The following EXOC6B variants were observed in gnomAD, a reference collection of about 807,000 sequenced individuals.
EXOC6B encodes the protein exocyst complex component 6B, also known as SEC15 homolog B.
A neutral mutation model predicts 113.5 loss-of-function variants in EXOC6B; 54 were observed. The observed-to-expected ratio is 0.48, with a 90% CI of 0.38 to 0.60. EXOC6B has a LOEUF of 0.60. EXOC6B is among the 20% of genes least tolerant of loss of function. The probability of loss-of-function intolerance (pLI) is 0.00; values close to 1 mark genes in which losing one functional copy is unlikely to be tolerated. For synonymous variants in EXOC6B, 357 were observed against 339.0 expected (o/e 1.05, Z -0.58); for missense variants, 797 against 977.5 (o/e 0.82, Z 2.46).
At chr2:72,227,496 T>C (rs1016068793) in intron 20 of EXOC6B, among the ~76,000 whole-genome samples, 4 of 152,306 alleles carry the variant, frequency 2.6e-5, no homozygotes, top group East Asian at 1.9e-4. Flanking sequence ...TAAACTGATA[T>C]ACCATAATCA....
At chr2:72,204,498 T>C (rs1218615151) in intron 20 of EXOC6B, among the ~76,000 whole-genome samples, 1 of 151,788 alleles carries the variant, frequency 6.6e-6, no homozygotes, top group African/African-American at 2.4e-5. Context: ...GCCAAGTTCA[T>C]TGGAAGTTAC....
chr2:72,650,848 A>C (rs1051105960), intron 6 of EXOC6B, among the ~76,000 whole-genome samples: 1 of 151,756 alleles, frequency 6.6e-6, no homozygotes, highest in Non-Finnish European at 1.5e-5. Flanking sequence ...GTAAAACAGT[A>C]CATCCACTCT....
chr2:72,692,080 T>C (rs957895671), intron 6 of EXOC6B, among the ~76,000 whole-genome samples: 4 of 152,118 alleles, frequency 2.6e-5, no homozygotes, highest in African/African-American at 7.2e-5. Flanking sequence ...TATGTGTTGA[T>C]TGAAAGAATA....
intron 17 of EXOC6B, among the ~76,000 whole-genome samples, chr2:72,471,567 G>A (rs1698413861): frequency 6.6e-6 from 1 of 152,094 alleles, no homozygotes. Context: ...GTATTGCCTA[G>A]GTTTTCTTCT....
In EXOC6B at chr2:72,575,543, A is replaced by G. The variant is rs562606334; in HGVS notation, c.795T>C (p.Ser265=). ...DTEIESTSPK[S]EQDSGILDVE... Reference sequence around the variant, plus strand: ...CATCCAGAATTCCTGAATCCTGTTCAGACTTCGGACTAGTACTTTCTATCT... The same window carrying G: ...CATCCAGAATTCCTGAATCCTGTTCGGACTTCGGACTAGTACTTTCTATCT... Residue 265 remains serine, a synonymous_variant, in exon 7 of 22, where the codon TCT becomes TCC. Transcript: ENST00000272427. 1 of 1,610,496 alleles carries G rather than the reference A, an allele frequency of 6.2e-7. No individual in the cohort carries two copies. Among genetic ancestry groups the G allele is most frequent in the African/African-American group, 1.3e-5 (1 of 74,814 alleles).
At chr2:72,643,833 A>T (rs1341103187) in intron 6 of EXOC6B, among the ~76,000 whole-genome samples, 1 of 150,686 alleles carries the variant, frequency 6.6e-6, no homozygotes, top group Non-Finnish European at 1.5e-5. Flanking sequence ...AAATAAATAA[A>T]TAAAAAAGAA....
At chr2:72,199,675 C>T (rs1168483825) in intron 20 of EXOC6B, among the ~76,000 whole-genome samples, 2 of 152,156 alleles carry the variant, frequency 1.3e-5, no homozygotes, top group African/African-American at 4.8e-5. Flanking sequence ...ATGCCAGAAA[C>T]TGTCACAATA....
intron 20 of EXOC6B, among the ~76,000 whole-genome samples, chr2:72,208,768 T>C (rs1477643675): frequency 1.3e-5 from 2 of 152,172 alleles, no homozygotes; most frequent in Admixed American, 6.5e-5. Flanking sequence ...TGTATTCTCT[T>C]ACTAGAAATC....
At chr2:72,679,520 G>A (rs2104536620) in intron 6 of EXOC6B, among the ~76,000 whole-genome samples, 1 of 152,230 alleles carries the variant, frequency 6.6e-6, no homozygotes, top group Non-Finnish European at 1.5e-5. Context: ...TATGTTTTTT[G>A]GAAGTGTATT....
At chr2:72,563,526 A>C (rs1704002427) in intron 7 of EXOC6B, among the ~76,000 whole-genome samples, 2 of 152,148 alleles carry the variant, frequency 1.3e-5, no homozygotes, top group African/African-American at 4.8e-5. Context: ...GACAAAAAAG[A>C]GTCTGAAAAT....
chr2:72,476,244 G>A lies in EXOC6B; in HGVS notation c.1800+4372C>T, dbSNP rs113454616. On this transcript the variant is annotated intron_variant, in intron 17 of 21. Transcript: ENST00000272427. The stretch of plus-strand genomic sequence containing the variant: ...GAAAGTTTCTACTAACCCTTTCCTC[G>A]TATTAAGGAGTCTCCCTCAGCTCCC... 2.6e-3 allele frequency among the ~76,000 whole-genome samples: 401 copies of A among 152,256 alleles called. 1 individual carries two copies. Among genetic ancestry groups the A allele is most frequent in the African/African-American group, 9.0e-3 (374 of 41,542 alleles).
intron 20 of EXOC6B, among the ~76,000 whole-genome samples, chr2:72,201,436 A>AT (rs1256228822): frequency 6.6e-6 from 1 of 151,872 alleles, no homozygotes; most frequent in Non-Finnish European, 1.5e-5. Flanking sequence ...AATGATGTAA[A>AT]AAAAAATAGC....
chr2:72,717,273 A>T (rs1374104687), intron 6 of EXOC6B, among the ~76,000 whole-genome samples: 3 of 152,200 alleles, frequency 2.0e-5, no homozygotes, highest in Non-Finnish European at 4.4e-5. Flanking sequence ...CTAAAATATG[A>T]TTTGAAATAT....
At chr2:72,373,064 C>CTTT (rs79852175) in intron 19 of EXOC6B, among the ~76,000 whole-genome samples, 4 of 136,390 alleles carry the variant, frequency 2.9e-5, no homozygotes, top group African/African-American at 5.4e-5. Context: ...TCTCGGAAGA[C>CTTT]TTTTTTTTTT....
At chr2:72,776,002 G>C (rs1683679886) in intron 1 of EXOC6B, among the ~76,000 whole-genome samples, 1 of 152,064 alleles carries the variant, frequency 6.6e-6, no homozygotes, top group African/African-American at 2.4e-5. Flanking sequence ...TTACTGAGGG[G>C]AATTAAGTAA....
intron 6 of EXOC6B, among the ~76,000 whole-genome samples, chr2:72,716,655 T>C (rs543396652): frequency 6.6e-6 from 1 of 152,146 alleles, no homozygotes; most frequent in Non-Finnish European, 1.5e-5. Flanking sequence ...CAACCCAACC[T>C]GAATTCTAAT....
Position 72,311,403 on chromosome 2 carries a change from C to T in EXOC6B, c.2196+23544G>A, listed in dbSNP as rs192726511. On this transcript the variant is annotated intron_variant, in intron 20 of 21. Transcript: ENST00000272427. Reference sequence around the variant, plus strand: ...ATTCCCAGCCTTTATAGAGGCCACCCGTACTCTTTGGGTCATGGCCTCCTT... The same window carrying T: ...ATTCCCAGCCTTTATAGAGGCCACCTGTACTCTTTGGGTCATGGCCTCCTT... 3.3e-5 allele frequency among the ~76,000 whole-genome samples: 5 copies of T among 152,214 alleles called. No individual in the cohort carries two copies. The East Asian group carries it at 5.8e-4, about 18-fold the overall frequency.
At chr2:72,690,943 T>A (rs1677441391) in intron 6 of EXOC6B, among the ~76,000 whole-genome samples, 1 of 152,174 alleles carries the variant, frequency 6.6e-6, no homozygotes. Context: ...AGGGTGGGCC[T>A]TAATCCAATA....
chr2:72,276,285 A>C (rs1684806062), intron 20 of EXOC6B, among the ~76,000 whole-genome samples: 1 of 152,116 alleles, frequency 6.6e-6, no homozygotes, highest in Non-Finnish European at 1.5e-5. Context: ...AAGTGATCAC[A>C]ATAGTGGAAG....
Sources: gnomAD v4.1 joint callset for allele counts (sites outside exome capture counted in the v4.1 genomes callset) on GRCh38, gnomAD v4.1.1 for gene constraint, MANE v1.5 for transcripts, NCBI Gene and HGNC (gene_info 2026-07-23, HGNC 2026-07-21) for gene names.